The following MDGA2 variants were observed in gnomAD, a reference collection of about 807,000 sequenced individuals.
MDGA2 encodes the protein MAM domain containing glycosylphosphatidylinositol anchor 2, also known as MAM domain-containing glycosylphosphatidylinositol anchor protein 2.
A neutral mutation model predicts 117.8 loss-of-function variants in MDGA2; 40 were observed. That is an observed-to-expected ratio of 0.34 (90% CI 0.26 to 0.44). MDGA2 has a LOEUF of 0.44. Among genes scored for constraint, MDGA2 ranks in the 20% least tolerant of loss-of-function variants. The pLI is 1.00. For synonymous variants in MDGA2, 452 were observed against 439.0 expected (o/e 1.03, Z -0.37); for missense variants, 1,123 against 1,250.6 (o/e 0.90, Z 1.54).
chr14:47,021,186 T>G (rs949253556), intron 8 of MDGA2, among the ~76,000 whole-genome samples: 1 of 152,200 alleles, frequency 6.6e-6, no homozygotes, highest in Non-Finnish European at 1.5e-5. Context: ...TATAGTAGTA[T>G]CCTTCATAAG....
intron 1 of MDGA2, among the ~76,000 whole-genome samples, chr14:47,550,123 G>T (rs1442033092): frequency 2.0e-5 from 3 of 152,192 alleles, no homozygotes; most frequent in African/African-American, 7.2e-5. Flanking sequence ...GTTCCAAAAA[G>T]AACTCATAAC....
intron 9 of MDGA2, among the ~76,000 whole-genome samples, chr14:46,941,524 T>C (rs1323844062): frequency 6.6e-6 from 1 of 152,050 alleles, no homozygotes; most frequent in Non-Finnish European, 1.5e-5. Flanking sequence ...TCCTTCAGGG[T>C]GAAGGACAGA....
At chr14:46,945,685 G>C (rs1262341639) in intron 9 of MDGA2, among the ~76,000 whole-genome samples, 3 of 152,034 alleles carry the variant, frequency 2.0e-5, no homozygotes, top group Non-Finnish European at 4.4e-5. Flanking sequence ...AATCTACCTT[G>C]CTATGCTCAT....
At chr14:46,866,476 G>T (rs1881765986) in intron 14 of MDGA2, among the ~76,000 whole-genome samples, 1 of 152,178 alleles carries the variant, frequency 6.6e-6, no homozygotes, top group South Asian at 2.1e-4. Flanking sequence ...CAGGACATAG[G>T]CTGGGCAAGG....
chr14:47,537,803 A>C (rs2180095), intron 1 of MDGA2, among the ~76,000 whole-genome samples: 1 of 151,710 alleles, frequency 6.6e-6, no homozygotes, highest in Admixed American at 6.6e-5. Context: ...TCCAGGGTTC[A>C]CTGCATTTCA....
At chr14:47,264,197 A>G (rs1391943191) in intron 2 of MDGA2, among the ~76,000 whole-genome samples, 1 of 152,154 alleles carries the variant, frequency 6.6e-6, no homozygotes, top group Non-Finnish European at 1.5e-5. Context: ...TGAACTCACT[A>G]ATAAATCACA....
At chr14:46,857,954 C>T (rs1473626679) in intron 14 of MDGA2, among the ~76,000 whole-genome samples, 1 of 151,984 alleles carries the variant, frequency 6.6e-6, no homozygotes, top group Non-Finnish European at 1.5e-5. Context: ...ACGCCTGGTC[C>T]CATTATTTCT....
At chr14:46,947,660 T>A (rs993994993) in intron 9 of MDGA2, among the ~76,000 whole-genome samples, 38 of 152,044 alleles carry the variant, frequency 2.5e-4, no homozygotes, top group African/African-American at 8.9e-4. Flanking sequence ...CCTGCTGCCA[T>A]CCATGTAAGA....
intron 8 of MDGA2, among the ~76,000 whole-genome samples, chr14:46,966,433 A>T (rs78721022): frequency 6.6e-6 from 1 of 152,208 alleles, no homozygotes; most frequent in African/African-American, 2.4e-5. Flanking sequence ...ATAGAGGTTG[A>T]CCTACTCACA....
At chr14:47,491,994 A>G (rs915828113) in intron 1 of MDGA2, among the ~76,000 whole-genome samples, 1 of 152,114 alleles carries the variant, frequency 6.6e-6, no homozygotes, top group South Asian at 2.1e-4. Flanking sequence ...GACATTGTCT[A>G]GAATCTGAGT....
At chr14:46,944,568 C>A (rs1036722982) in intron 9 of MDGA2, among the ~76,000 whole-genome samples, 2 of 151,932 alleles carry the variant, frequency 1.3e-5, no homozygotes, top group African/African-American at 4.8e-5. Flanking sequence ...ACTTCAAGTG[C>A]ACCTGTTTTC....
chr14:47,301,300 C>T, intron 2 of MDGA2, 111 bp downstream of exon 2: 3 of 343,942 alleles, frequency 8.7e-6, no homozygotes, highest in Middle Eastern at 7.4e-4. Context: ...CCCACCCACA[C>T]ACACACACAC....
chr14:46,881,928 C>T (rs1882476379), intron 11 of MDGA2, 116 bp downstream of exon 11: 1 of 577,564 alleles, frequency 1.7e-6, no homozygotes, highest in South Asian at 5.0e-5. Flanking sequence ...GCTAATGATC[C>T]AGAAAGTCAA....
intron 5 of MDGA2, among the ~76,000 whole-genome samples, chr14:47,104,731 GTCC>G (rs1880548340): frequency 6.6e-6 from 1 of 152,128 alleles, no homozygotes; most frequent in South Asian, 2.1e-4. Context: ...TCAATCCCCT[GTCC>G]TCCTGCTCTT....
intron 3 of MDGA2, among the ~76,000 whole-genome samples, chr14:47,215,946 G>T (rs1010518140): frequency 1.3e-5 from 2 of 152,080 alleles, no homozygotes; most frequent in African/African-American, 4.8e-5. Flanking sequence ...GAAGAGAAAG[G>T]TAACAAAATA....
chr14:46,975,895 C>G (rs1430998924), intron 8 of MDGA2, among the ~76,000 whole-genome samples: 1 of 152,112 alleles, frequency 6.6e-6, no homozygotes, highest in Non-Finnish European at 1.5e-5. Context: ...AGACAACAAT[C>G]TTGAACCTCT....
chr14:46,965,973 A>C (rs1886012922), intron 8 of MDGA2, among the ~76,000 whole-genome samples: 1 of 149,974 alleles, frequency 6.7e-6, no homozygotes, highest in South Asian at 2.1e-4. Flanking sequence ...TGTTCAATTA[A>C]AATATATGAC....
chr14:47,563,520 T>G (rs924444807), intron 1 of MDGA2, among the ~76,000 whole-genome samples: 2 of 150,130 alleles, frequency 1.3e-5, no homozygotes, highest in Admixed American at 1.3e-4. Flanking sequence ...TAAAAAAATT[T>G]TTGTTGGTTT....
At chr14:47,283,428 T>C (rs1378509560) in intron 2 of MDGA2, among the ~76,000 whole-genome samples, 1 of 152,254 alleles carries the variant, frequency 6.6e-6, no homozygotes, top group African/African-American at 2.4e-5. Flanking sequence ...GGTGATACGG[T>C]ACACTTTGTG....
Sources: gnomAD v4.1 joint callset for allele counts (sites outside exome capture counted in the v4.1 genomes callset) on GRCh38, gnomAD v4.1.1 for gene constraint, MANE v1.5 for transcripts, NCBI Gene and HGNC (gene_info 2026-07-23, HGNC 2026-07-21) for gene names.